The following PLXDC2 variants were observed in gnomAD, a reference collection of about 807,000 sequenced individuals.
The protein encoded by PLXDC2 is plexin domain-containing protein 2.
A neutral mutation model predicts 68.9 loss-of-function variants in PLXDC2; 40 were observed. That is an observed-to-expected ratio of 0.58 (90% CI 0.45 to 0.76). The LOEUF is 0.76. PLXDC2 is among the 30% of genes least tolerant of loss of function. The pLI is 0.00. For missense variants in PLXDC2, 644 were observed against 661.9 expected (o/e 0.97, Z 0.30); for synonymous variants, 243 against 234.2 (o/e 1.04, Z -0.34).
chr10:20,284,330 T>TATATATATATATATATATATACACAC lies in PLXDC2; in HGVS notation c.*4512_*4513insTATATATATATATATATATACACACA, dbSNP rs1484131963. ...AAATATACATATATATATATATATA[T>TATATATATATATATATATATACACAC]ACACACACACACACACACACACAAA... On this transcript the variant is annotated 3_prime_UTR_variant, in exon 14 of 14. Transcript: ENST00000377252. 1.1e-4 allele frequency: 14 copies of TATATATATATATATATATATACACAC among 126,342 alleles called. No homozygotes were observed. The highest frequency in any genetic ancestry group is 3.2e-4 in the African/African-American group (11 of 34,372). 7.8% of individuals were successfully genotyped at this position (126,342 alleles called of 1,614,324 possible).
chr10:19,852,573 C>T (rs1428681840), intron 1 of PLXDC2, among the ~76,000 whole-genome samples: 3 of 142,884 alleles, frequency 2.1e-5, no homozygotes, highest in African/African-American at 7.8e-5. Context: ...TTCTAGAAAA[C>T]AAAGTTTTTC....
intron 4 of PLXDC2, among the ~76,000 whole-genome samples, chr10:20,125,594 G>A (rs1415345508): frequency 2.6e-5 from 4 of 152,146 alleles, no homozygotes; most frequent in Non-Finnish European, 4.4e-5. Flanking sequence ...CTGACCATAG[G>A]ACTGCAAAGA....
intron 11 of PLXDC2, among the ~76,000 whole-genome samples, chr10:20,218,066 T>C (rs1014020340): frequency 1.4e-4 from 21 of 152,142 alleles, no homozygotes; most frequent in African/African-American, 4.8e-4. Flanking sequence ...AGAAACACTG[T>C]ATGTGTCATA....
chr10:20,189,542 TACAC>T (rs371344350), intron 9 of PLXDC2, among the ~76,000 whole-genome samples: 2 of 118,986 alleles, frequency 1.7e-5, no homozygotes, highest in African/African-American at 2.9e-5. Flanking sequence ...CACATATATA[TACAC>T]ACACACACAC....
intron 1 of PLXDC2, among the ~76,000 whole-genome samples, chr10:19,931,163 T>C (rs1050397016): frequency 1.3e-5 from 2 of 152,224 alleles, no homozygotes; most frequent in African/African-American, 4.8e-5. Flanking sequence ...TACAAATGCA[T>C]GGCAGGAAAA....
chr10:19,889,531 A>G (rs538259269), intron 1 of PLXDC2, among the ~76,000 whole-genome samples: 2 of 152,318 alleles, frequency 1.3e-5, no homozygotes, highest in South Asian at 2.1e-4. Flanking sequence ...GAGAAAACTT[A>G]TTAAGTGACC....
At chr10:20,115,518 C>T (rs1833610202) in intron 4 of PLXDC2, among the ~76,000 whole-genome samples, 2 of 152,062 alleles carry the variant, frequency 1.3e-5, no homozygotes, top group Non-Finnish European at 2.9e-5. Context: ...CATGTTAGTA[C>T]ATAAAAACCC....
chr10:20,072,293 G>A (rs890307420), intron 4 of PLXDC2, among the ~76,000 whole-genome samples: 5 of 151,392 alleles, frequency 3.3e-5, no homozygotes, highest in Admixed American at 2.0e-4. Context: ...TCGCTTGAAC[G>A]CTGGAGGAGG....
rs146365128 is a variant in PLXDC2, at chr10:20,098,212, C to T, written c.541+29973C>T. ...GCTGAAATCAGAATTGGCAGTGCTG[C>T]CTTCCCTCTGTAGGCTCTACAGGAA... On this transcript the variant is annotated intron_variant, in intron 4 of 13. Transcript: ENST00000377252. 2.6e-5 allele frequency among the ~76,000 whole-genome samples: 4 copies of T among 152,180 alleles called. No individual in the cohort carries two copies. In the East Asian group the frequency reaches 7.8e-4, roughly 30 times the overall value.
chr10:20,205,886 C>T (rs986719515), intron 9 of PLXDC2, among the ~76,000 whole-genome samples: 1 of 151,998 alleles, frequency 6.6e-6, no homozygotes, highest in Non-Finnish European at 1.5e-5. Flanking sequence ...ATATATTGCA[C>T]AACACAGTGA....
intron 3 of PLXDC2, among the ~76,000 whole-genome samples, chr10:20,064,916 T>G (rs1836178548): frequency 6.6e-6 from 1 of 152,186 alleles, no homozygotes; most frequent in Admixed American, 6.5e-5. Flanking sequence ...TTTGGTTTTT[T>G]TTTCTCTACT....
chr10:19,962,726 C>T (rs1834180088), intron 1 of PLXDC2, among the ~76,000 whole-genome samples: 2 of 148,772 alleles, frequency 1.3e-5, no homozygotes, highest in African/African-American at 4.9e-5. Flanking sequence ...TGGCTCATGC[C>T]TGTAATCCCA....
At chr10:19,939,295 G>A (rs1333657896) in intron 1 of PLXDC2, among the ~76,000 whole-genome samples, 1 of 152,186 alleles carries the variant, frequency 6.6e-6, no homozygotes, top group Admixed American at 6.5e-5. Context: ...AGCAACATTA[G>A]CAGTGATCTT....
chr10:19,903,431 C>T (rs1256376518), intron 1 of PLXDC2, among the ~76,000 whole-genome samples: 3 of 151,640 alleles, frequency 2.0e-5, no homozygotes, highest in Admixed American at 1.3e-4. Context: ...GGAATTTATC[C>T]ATCTCCTCTA....
At chr10:20,236,769 C>A (rs1487186164) in intron 12 of PLXDC2, among the ~76,000 whole-genome samples, 1 of 152,014 alleles carries the variant, frequency 6.6e-6, no homozygotes, top group Admixed American at 6.6e-5. Context: ...GTAGTAGGAT[C>A]AAAGCTCACT....
At chr10:19,932,746 G>C (rs1407039213) in intron 1 of PLXDC2, among the ~76,000 whole-genome samples, 30 of 140,074 alleles carry the variant, frequency 2.1e-4, no homozygotes, top group Non-Finnish European at 1.7e-5. Context: ...AATGTTATGG[G>C]AATTAAAAAA....
chr10:20,188,682 G>A (rs1834718633), intron 9 of PLXDC2, among the ~76,000 whole-genome samples: 1 of 151,742 alleles, frequency 6.6e-6, no homozygotes, highest in African/African-American at 2.4e-5. Context: ...GAAAAAATCT[G>A]TAGATATATT....
At chr10:19,880,943 C>G (rs960188329) in intron 1 of PLXDC2, among the ~76,000 whole-genome samples, 16 of 152,128 alleles carry the variant, frequency 1.1e-4, no homozygotes, top group Admixed American at 2.6e-4. Context: ...TCTTAACAAT[C>G]TTTTGAGATC....
chr10:19,861,144 C>T (rs1308355257), intron 1 of PLXDC2, among the ~76,000 whole-genome samples: 1 of 151,826 alleles, frequency 6.6e-6, no homozygotes, highest in Non-Finnish European at 1.5e-5. Context: ...AAGTGATTCT[C>T]CTGCCTCAGC....
Sources: allele counts gnomAD v4.1 joint callset (sites outside exome capture counted in the v4.1 genomes callset), GRCh38; gene constraint gnomAD v4.1.1; transcripts MANE v1.5; gene names NCBI Gene and HGNC (gene_info 2026-07-23, HGNC 2026-07-21).